SLC44A5: variants seen among roughly 807,000 people sequenced by gnomAD.
SLC44A5 encodes solute carrier family 44 member 5.
Under a neutral mutation model 101.8 loss-of-function variants are expected in SLC44A5, and 57 were observed. The ratio of observed to expected loss-of-function variants is 0.56; its 90% CI spans 0.45 to 0.70. SLC44A5 has a LOEUF of 0.70. Ranked by LOEUF, SLC44A5 falls within the 30% of genes least tolerant of loss-of-function variation. SLC44A5 has a pLI of 0.00. For missense variants in SLC44A5, 737 were observed against 853.1 expected (o/e 0.86, Z 1.70); for synonymous variants, 281 against 290.9 (o/e 0.97, Z 0.35).
the SLC44A5 span, among the ~76,000 whole-genome samples, chr1:75,642,275 C>T: frequency 3.3e-5 from 5 of 152,042 alleles, no homozygotes; most frequent in African/African-American, 2.4e-5. Flanking sequence ...TTCTTAGATA[C>T]CATTGCTTCA....
At chr1:75,690,000 C>T in the SLC44A5 span, among the ~76,000 whole-genome samples, 2,458 of 152,200 alleles carry the variant, frequency 0.016, 74 homozygotes, top group African/African-American at 0.053. Context: ...GACTCCCATT[C>T]CCTTTCCAGG....
At chr1:75,470,724 G>A (rs1202106180) in intron 2 of SLC44A5, among the ~76,000 whole-genome samples, 1 of 151,626 alleles carries the variant, frequency 6.6e-6, no homozygotes, top group Non-Finnish European at 1.5e-5. Flanking sequence ...AGAGAGAAGC[G>A]TGACCTGGCA....
the SLC44A5 span, among the ~76,000 whole-genome samples, chr1:75,681,777 G>C: frequency 6.6e-6 from 1 of 151,166 alleles, no homozygotes; most frequent in African/African-American, 2.4e-5. Context: ...GCAGGAGAAG[G>C]AAATAAAGGG....
chr1:75,292,744 G>C (rs565082460), intron 5 of SLC44A5, among the ~76,000 whole-genome samples: 1 of 152,302 alleles, frequency 6.6e-6, no homozygotes, highest in African/African-American at 2.4e-5. Context: ...GCCCAACTCA[G>C]TGTGGAATTA....
At chr1:75,662,640 C>T in the SLC44A5 span, among the ~76,000 whole-genome samples, 192 of 151,920 alleles carry the variant, frequency 1.3e-3, 1 homozygote, top group Non-Finnish European at 2.0e-3. Flanking sequence ...TGTATAATTA[C>T]TGTTTGTGTA....
rs577718814 is a variant in SLC44A5, at chr1:75,426,383, A to G, written c.14-29762T>C. On this transcript the variant is annotated intron_variant, in intron 2 of 23. Coordinates refer to ENST00000370859, the MANE Select transcript of SLC44A5 (RefSeq NM_001130058.2). Reference sequence around the variant, plus strand: ...ATTGCTGAAATTGGCAGTGAGTCCAACTGTTTCCAAGCACCAGTTCCATAA... The same window carrying G: ...ATTGCTGAAATTGGCAGTGAGTCCAGCTGTTTCCAAGCACCAGTTCCATAA... Among the ~76,000 whole-genome samples, 11 of 152,310 alleles carry G rather than the reference A, an allele frequency of 7.2e-5. No individual in the cohort carries two copies. In the South Asian group the frequency reaches 1.2e-3, roughly 17 times the overall value.
intron 3 of SLC44A5, among the ~76,000 whole-genome samples, chr1:75,346,930 C>T (rs530393402): frequency 1.4e-4 from 22 of 152,088 alleles, no homozygotes; most frequent in Non-Finnish European, 2.8e-4. Context: ...GAACAGCATA[C>T]GCATTCGCCC....
the SLC44A5 span, among the ~76,000 whole-genome samples, chr1:75,658,098 G>A: frequency 6.6e-5 from 10 of 151,868 alleles, no homozygotes; most frequent in Admixed American, 2.6e-4. Flanking sequence ...TGTTGTTGTC[G>A]TTGTTGTTTT....
chr1:75,435,991 G>A (rs1277260395), intron 2 of SLC44A5, among the ~76,000 whole-genome samples: 1 of 151,978 alleles, frequency 6.6e-6, no homozygotes, highest in Non-Finnish European at 1.5e-5. Context: ...AATAAGAGTA[G>A]CCATTAAAAA....
intron 2 of SLC44A5, among the ~76,000 whole-genome samples, chr1:75,475,427 T>G (rs1038833387): frequency 1.3e-5 from 2 of 152,226 alleles, no homozygotes; most frequent in Non-Finnish European, 2.9e-5. Context: ...GAGTTTAAAC[T>G]CCTCTGAACA....
intron 3 of SLC44A5, among the ~76,000 whole-genome samples, chr1:75,377,240 C>G (rs943266341): frequency 9.1e-5 from 12 of 132,580 alleles, no homozygotes; most frequent in Non-Finnish European, 1.4e-4. Context: ...CTCTCTGAAA[C>G]GTGTGCTGTG....
chr1:75,421,239 A>C (rs1269748565), intron 2 of SLC44A5, among the ~76,000 whole-genome samples: 3 of 152,132 alleles, frequency 2.0e-5, no homozygotes, highest in African/African-American at 7.2e-5. Context: ...TAATTAACAT[A>C]GATAGAATGT....
At chr1:75,662,375 T>C in the SLC44A5 span, among the ~76,000 whole-genome samples, 1 of 151,890 alleles carries the variant, frequency 6.6e-6, no homozygotes, top group Non-Finnish European at 1.5e-5. Flanking sequence ...AGCTGGAGTA[T>C]GAAGAGGGGT....
chr1:75,547,180 C>T (rs1032286256), intron 1 of SLC44A5, among the ~76,000 whole-genome samples: 1 of 152,118 alleles, frequency 6.6e-6, no homozygotes, highest in Non-Finnish European at 1.5e-5. Context: ...CCATCCACAT[C>T]AATTTCCAAG....
chr1:75,217,528 T>C (rs2100487111), intron 18 of SLC44A5, among the ~76,000 whole-genome samples: 1 of 152,248 alleles, frequency 6.6e-6, no homozygotes, highest in East Asian at 1.9e-4. Flanking sequence ...CTGAACTATA[T>C]ACTTGGAACT....
the SLC44A5 span, among the ~76,000 whole-genome samples, chr1:75,713,902 G>C: frequency 6.6e-6 from 1 of 151,924 alleles, no homozygotes; most frequent in Non-Finnish European, 1.5e-5. Context: ...TCCCGGGCTC[G>C]AGCAATCTTC....
At chr1:75,653,753 C>T in the SLC44A5 span, among the ~76,000 whole-genome samples, 1 of 152,184 alleles carries the variant, frequency 6.6e-6, no homozygotes, top group Admixed American at 6.5e-5. Context: ...TTATTTCAGA[C>T]CTGTCTCATG....
chr1:75,684,671 A>G, the SLC44A5 span, among the ~76,000 whole-genome samples: 3 of 152,222 alleles, frequency 2.0e-5, no homozygotes, highest in Admixed American at 2.0e-4. Flanking sequence ...TCACACTGAC[A>G]TAAGAGGTGG....
chr1:75,256,055 G>A (rs759737551), intron 6 of SLC44A5, among the ~76,000 whole-genome samples: 5 of 152,038 alleles, frequency 3.3e-5, no homozygotes, highest in Admixed American at 1.3e-4. Flanking sequence ...CAGAAAGAGA[G>A]GCAGCCTTGG....
Sources: gnomAD v4.1 joint callset for allele counts (sites outside exome capture counted in the v4.1 genomes callset) on GRCh38, gnomAD v4.1.1 for gene constraint, MANE v1.5 for transcripts, NCBI Gene and HGNC (gene_info 2026-07-23, HGNC 2026-07-21) for gene names.